SLC25A29: variants seen among roughly 807,000 people sequenced by gnomAD.
The protein encoded by SLC25A29 is solute carrier family 25 member 29, also known as mitochondrial basic amino acids transporter.
A neutral mutation model predicts 10.0 loss-of-function variants in SLC25A29; 13 were observed. The observed-to-expected ratio is 1.30, with a 90% CI of 0.85 to 2.07. The LOEUF (loss-of-function observed/expected upper bound fraction) is 2.07. SLC25A29 is among the 30% of genes most tolerant of loss of function. The pLI, the probability that SLC25A29 is intolerant of heterozygous loss-of-function variation, is 0.00. For synonymous variants in SLC25A29, 244 were observed against 221.1 expected (o/e 1.10, Z -0.92); for missense variants, 475 against 447.6 (o/e 1.06, Z -0.55).
the SLC25A29 span, among the ~76,000 whole-genome samples, chr14:100,285,011 C>G: frequency 1.4e-5 from 2 of 140,360 alleles, no homozygotes; most frequent in African/African-American, 5.6e-5. Flanking sequence ...TGCACTCTAG[C>G]CTGGCGACAG....
downstream of SLC25A29, among the ~76,000 whole-genome samples, chr14:100,286,469 C>CT (rs1488224483): frequency 1.1e-3 from 9 of 8,366 alleles, no homozygotes; most frequent in Non-Finnish European, 2.6e-3. Context: ...CAGAGCATGG[C>CT]TGGGGGGGGG....
chr14:100,282,814 C>T, the SLC25A29 span: 1 of 152,188 alleles, frequency 6.6e-6, no homozygotes, highest in Non-Finnish European at 1.5e-5. Flanking sequence ...CTTGTTTGTT[C>T]CTCAGTCCTC....
At chr14:100,303,791 C>T (rs551925037) in intron 1 of SLC25A29, among the ~76,000 whole-genome samples, 1 of 143,458 alleles carries the variant, frequency 7.0e-6, no homozygotes, top group Non-Finnish European at 1.5e-5. Flanking sequence ...CAGGGCTGGG[C>T]GGGGTGGGGA....
intron 1 of SLC25A29, chr14:100,299,694 A>G (rs1002468617): frequency 2.0e-6 from 2 of 984,944 alleles, no homozygotes; most frequent in African/African-American, 3.5e-5. Flanking sequence ...ACTGTGAGTA[A>G]GCAGCCTCAT....
chr14:100,299,703 A>T, intron 1 of SLC25A29: 3 of 985,020 alleles, frequency 3.0e-6, no homozygotes, highest in Non-Finnish European at 2.4e-6. Context: ...AAGCAGCCTC[A>T]TTACCCATTT....
At chr14:100,299,141 C>T in intron 1 of SLC25A29, 3 of 1,376,366 alleles carry the variant, frequency 2.2e-6, no homozygotes, top group Non-Finnish European at 2.8e-6. Flanking sequence ...CATCTGCAGG[C>T]TGCTGCTCTC....
At chr14:100,293,428 A>G in intron 2 of SLC25A29, 51 bp from the exon 3 acceptor site, 4 of 1,560,048 alleles carry the variant, frequency 2.6e-6, no homozygotes, top group Non-Finnish European at 2.6e-6. Flanking sequence ...CAGAGCACCC[A>G]GCTCCCGGGT....
In SLC25A29 at chr14:100,292,159, G is replaced by C; in HGVS notation, c.*124C>G. The C allele has an allele frequency of 7.6e-7, 1 of 1,312,472 alleles. No individual in the cohort carries two copies. The allele number at this position is 1,312,472 out of a possible 1,614,324, so 81.3% of individuals were successfully genotyped here. ...CTACCCAGCTGATCAGCAAAATTCAGCCCACGTCTGATAGACTCCACAGCT... is the reference window on the plus strand; with the variant it reads ...CTACCCAGCTGATCAGCAAAATTCACCCCACGTCTGATAGACTCCACAGCT... On this transcript the variant is annotated 3_prime_UTR_variant, in exon 4 of 4. Coordinates refer to ENST00000359232, the MANE Select transcript of SLC25A29 (RefSeq NM_001039355.3).
the SLC25A29 span, among the ~76,000 whole-genome samples, chr14:100,285,363 C>T: frequency 2.0e-5 from 3 of 151,240 alleles, no homozygotes; most frequent in African/African-American, 7.4e-5. Context: ...GCCCCGGGGG[C>T]TTCTAGACCT....
Position 100,292,906 on chromosome 14 carries a change from G to A in SLC25A29, c.289C>T (p.Leu97=), listed in dbSNP as rs764471248. The change falls in exon 4 of 4, where the codon CTG becomes TTG. Residue 97 remains leucine, a synonymous_variant. Coordinates refer to ENST00000359232, the MANE Select transcript of SLC25A29 (RefSeq NM_001039355.3). ...ATGGCGCCCGCCGCCGCACCTGCCA[G>A]GAACTGGTTGAGGGGCGAGTCGTGG... ...LGHDSPLNQF[L]AGAAAGAIQC... is the part of the protein sequence containing the mutation. 2.0e-4 allele frequency: 319 copies of A among 1,608,378 alleles called. No individual in the cohort carries two copies. Among genetic ancestry groups the A allele is most frequent in the Non-Finnish European group, 2.5e-4 (294 of 1,178,428 alleles).
At chr14:100,301,895 C>A (rs1473634865) in intron 1 of SLC25A29, among the ~76,000 whole-genome samples, 1 of 152,048 alleles carries the variant, frequency 6.6e-6, no homozygotes, top group East Asian at 1.9e-4. Context: ...TTCTGCCCCA[C>A]CCACCCCAGT....
chr14:100,280,657 T>A, the SLC25A29 span: 1 of 152,112 alleles, frequency 6.6e-6, no homozygotes, highest in African/African-American at 2.4e-5. Context: ...TGTCACTTAT[T>A]TTGCTAAATA....
At position 100,292,281 on chromosome 14, in the gene SLC25A29, C is replaced by T. The variant is rs757042340; in HGVS notation, c.*2G>A. ...CCCTGGGGAAGGAGGGCGGGGTGAGCGTCACAGGCTGGAGGGCTGCGCCAG... is the reference window on the plus strand; with the variant it reads ...CCCTGGGGAAGGAGGGCGGGGTGAGTGTCACAGGCTGGAGGGCTGCGCCAG... On this transcript the variant is annotated 3_prime_UTR_variant, in exon 4 of 4. Transcript: ENST00000359232. The T allele has an allele frequency of 3.9e-6, 6 of 1,533,476 alleles. No homozygotes were observed. The highest frequency in any genetic ancestry group is 1.2e-5 in the South Asian group (1 of 84,082). 95.0% of individuals were successfully genotyped at this position (1,533,476 alleles called of 1,614,324 possible). A position where few individuals can be genotyped will look rare whatever the true frequency, so the allele number is the denominator to read the frequency against.
chr14:100,296,858 G>A lies in SLC25A29; in HGVS notation c.78+1984C>T, dbSNP rs571408599. ...TGTGATCCGCCCGCCTCAGCCTCCA[G>A]AAGTGCTGGGATTACAGGCATGAGC... On this transcript the variant is annotated intron_variant, in intron 2 of 3. Transcript: ENST00000359232. Among the ~76,000 whole-genome samples, 37 of 152,176 alleles carry A rather than the reference G, an allele frequency of 2.4e-4. No individual in the cohort carries two copies. The South Asian group carries it at 6.0e-3, about 25-fold the overall frequency.
At position 100,298,830 on chromosome 14, in the gene SLC25A29, G is replaced by A. The variant is rs200941176; in HGVS notation, c.78+12C>T. The stretch of plus-strand genomic sequence containing the variant: ...TACGCGCCGAGGAAAAAAAAGCAGC[G>A]ATGAGACTCACCTTGACCGTGTCAA... On this transcript the variant is annotated intron_variant, in intron 2 of 3. Coordinates refer to ENST00000359232, the MANE Select transcript of SLC25A29 (RefSeq NM_001039355.3). The A allele has an allele frequency of 6.2e-4, 996 of 1,614,198 alleles. 2 individuals carry two copies. Among genetic ancestry groups the A allele is most frequent in the Non-Finnish European group, 8.0e-4 (944 of 1,180,036 alleles).
chr14:100,295,465 T>A, intron 2 of SLC25A29: 1 of 757,792 alleles, frequency 1.3e-6, no homozygotes, highest in South Asian at 1.8e-5. Flanking sequence ...GGGGCTGATT[T>A]TTTTTGGCCA....
intron 2 of SLC25A29, chr14:100,295,840 C>T: frequency 7.8e-7 from 1 of 1,289,748 alleles, no homozygotes; most frequent in African/African-American, 1.5e-5. Context: ...TAGGTCAAGA[C>T]AACTGCTCCC....
intron 2 of SLC25A29, among the ~76,000 whole-genome samples, chr14:100,297,617 G>A (rs10134767): frequency 5.3e-5 from 8 of 152,162 alleles, no homozygotes; most frequent in East Asian, 1.9e-4. Context: ...GCTAGGCAGC[G>A]CGTGGGCATG....
At position 100,292,061 on chromosome 14, in the gene SLC25A29, C is replaced by T. The variant is rs903979534; in HGVS notation, c.*222G>A. The T allele has an allele frequency of 4.9e-5, 28 of 577,050 alleles. No individual in the cohort carries two copies. Among genetic ancestry groups the T allele is most frequent in the Non-Finnish European group, 3.6e-5 (12 of 329,088 alleles). The allele number at this position is 577,050 out of a possible 1,614,324, so 35.7% of individuals were successfully genotyped here. Reference sequence around the variant, plus strand: ...TGGGAATAATCTCTGAGCTTCGTGACTCTACAGTGTGGGCATGAGGGTCCT... The same window carrying T: ...TGGGAATAATCTCTGAGCTTCGTGATTCTACAGTGTGGGCATGAGGGTCCT... On this transcript the variant is annotated 3_prime_UTR_variant, in exon 4 of 4. Transcript: ENST00000359232.
Sources: allele counts gnomAD v4.1 joint callset (sites outside exome capture counted in the v4.1 genomes callset), GRCh38; gene constraint gnomAD v4.1.1; transcripts MANE v1.5; gene names NCBI Gene and HGNC (gene_info 2026-07-23, HGNC 2026-07-21).